PODXL: variants seen among roughly 807,000 people sequenced by gnomAD.
The protein encoded by PODXL is podocalyxin.
A neutral mutation model predicts 48.9 loss-of-function variants in PODXL; 20 were observed. That is an observed-to-expected ratio of 0.41 (90% CI 0.29 to 0.59). The LOEUF is 0.59. PODXL is among the 20% of genes least tolerant of loss of function. PODXL has a pLI of 0.31. For missense variants in PODXL, 606 were observed against 675.1 expected, an observed-to-expected ratio of 0.90 and a Z score of 1.13; for synonymous variants, 295 against 287.4, an observed-to-expected ratio of 1.03 and a Z score of -0.27.
At chr7:131,508,289 A>G (rs1017282969) in intron 5 of PODXL, among the ~76,000 whole-genome samples, 2 of 151,990 alleles carry the variant, frequency 1.3e-5, no homozygotes, top group African/African-American at 4.8e-5. Flanking sequence ...CACCCATCCC[A>G]TCAGCTCCTC....
rs147338873 is a variant in PODXL, at chr7:131,506,272, A to T, written c.1299T>A (p.Asp433Glu). The part of the protein sequence containing the change: ...DVYERLKDKW[D>E]ELKEAGVSDM... Reference sequence around the variant, plus strand: ...GGGGGCCGCTTACCTCCTTTAGTTCATCCCATTTGTCCTTCAGCCGCTCGT... The same window carrying T: ...GGGGGCCGCTTACCTCCTTTAGTTCTTCCCATTTGTCCTTCAGCCGCTCGT... Residue 433 changes from aspartate (D) to glutamate (E), a missense_variant, in exon 7 of 9, where the codon GAT becomes GAA. Asp to Glu is a conservative substitution (Grantham distance 45). Transcript: ENST00000378555. 2 of 1,614,086 alleles carry T rather than the reference A, an allele frequency of 1.2e-6. No homozygotes were observed. The highest frequency in any genetic ancestry group is 3.3e-5 in the Admixed American group (2 of 60,012).
At chr7:131,555,574 G>A (rs1037843251) in intron 1 of PODXL, among the ~76,000 whole-genome samples, 2 of 152,132 alleles carry the variant, frequency 1.3e-5, no homozygotes, top group Non-Finnish European at 2.9e-5. Context: ...AGGATTCGAG[G>A]GGGGTCTCAC....
intron 1 of PODXL, among the ~76,000 whole-genome samples, chr7:131,521,955 G>C (rs943571777): frequency 6.6e-6 from 1 of 152,224 alleles, no homozygotes; most frequent in African/African-American, 2.4e-5. Context: ...AAGAGAATAG[G>C]AAAGATAAAA....
intron 8 of PODXL, among the ~76,000 whole-genome samples, chr7:131,504,970 G>A (rs1797774108): frequency 6.6e-6 from 1 of 152,226 alleles, no homozygotes. Context: ...CCATCTGGCA[G>A]AGGCGCTTTC....
intron 4 of PODXL, 21 bp downstream of exon 4, chr7:131,509,344 C>T (rs773065951): frequency 1.3e-6 from 2 of 1,584,582 alleles, no homozygotes; most frequent in South Asian, 2.2e-5. Context: ...CTCCTACTTG[C>T]CCCACCCCTG....
At chr7:131,509,666 GT>G (rs1797876991) in intron 3 of PODXL, 81 bp from the exon 4 acceptor site, 4 of 973,356 alleles carry the variant, frequency 4.1e-6, no homozygotes, top group Non-Finnish European at 6.0e-6. Context: ...TGCTCTAATA[GT>G]TTTCCCAGGT....
chr7:131,538,328 T>C (rs1005676454), intron 1 of PODXL, among the ~76,000 whole-genome samples: 2 of 152,142 alleles, frequency 1.3e-5, no homozygotes, highest in Non-Finnish European at 2.9e-5. Flanking sequence ...GCAGAAGTGC[T>C]CTGCGGGGAG....
intron 1 of PODXL, among the ~76,000 whole-genome samples, chr7:131,551,936 C>CA (rs34250804): frequency 0.41 from 52,306 of 128,268 alleles, 10,437 homozygotes; most frequent in African/African-American, 0.55. Flanking sequence ...GACTCCATCT[C>CA]AAAAAAAAAA....
In PODXL at chr7:131,506,610, C is replaced by A. The variant is rs753226377; in HGVS notation, c.1218G>T (p.Gln406His). 1.4e-5 allele frequency: 22 copies of A among 1,614,206 alleles called. No homozygotes were observed. The Admixed American group carries it at 3.3e-4, about 24-fold the overall frequency. ...TAGTGATTTCTTTGACGACCACGGTCTGACTTCCTGGAACAGATGCCAGCC... is the reference window on the plus strand; with the variant it reads ...TAGTGATTTCTTTGACGACCACGGTATGACTTCCTGGAACAGATGCCAGCC... ...GIRLASVPGS[Q>H]TVVVKEITIH... The change falls in exon 6 of 9, where the codon CAG becomes CAT. Residue 406 changes from glutamine (Q) to histidine (H), a missense_variant. Physicochemically the swap from Gln to His is conservative, Grantham distance 24. Transcript: ENST00000378555.
chr7:131,540,322 C>T (rs1798453514), intron 1 of PODXL, among the ~76,000 whole-genome samples: 2 of 152,152 alleles, frequency 1.3e-5, no homozygotes, highest in Non-Finnish European at 2.9e-5. Flanking sequence ...ATTGAGATTA[C>T]AGGAGTGAGC....
rs528063990 is a variant in PODXL, at chr7:131,502,004, C to G, written c.*2307G>C. On this transcript the variant is annotated 3_prime_UTR_variant, in exon 9 of 9. Coordinates refer to ENST00000378555, the MANE Select transcript of PODXL (RefSeq NM_001018111.3). ...GATGGAGAGTCAGGAGAGTCAGGACCGACCTGGCCAGGCACTCCTGCTCTC... is the reference window on the plus strand; with the variant it reads ...GATGGAGAGTCAGGAGAGTCAGGACGGACCTGGCCAGGCACTCCTGCTCTC... 1 of 152,150 alleles carries G rather than the reference C, an allele frequency of 6.6e-6. No homozygotes were observed. The highest frequency in any genetic ancestry group is 2.4e-5 in the African/African-American group (1 of 41,400). The allele number at this position is 152,150 out of a possible 1,614,324, so 9.4% of individuals were successfully genotyped here. A position where few individuals can be genotyped will look rare whatever the true frequency, so the allele number is the denominator to read the frequency against.
intron 1 of PODXL, among the ~76,000 whole-genome samples, chr7:131,529,389 C>A (rs746721088): frequency 1.9e-4 from 29 of 152,128 alleles, no homozygotes; most frequent in Non-Finnish European, 4.0e-4. Flanking sequence ...CTGCTTCAAT[C>A]TTCAAGGAGG....
chr7:131,553,956 A>G (rs1798705424), intron 1 of PODXL, among the ~76,000 whole-genome samples: 1 of 152,174 alleles, frequency 6.6e-6, no homozygotes, highest in Non-Finnish European at 1.5e-5. Context: ...CTTAAGGTGA[A>G]TGCTTTCTTT....
chr7:131,539,729 C>T (rs567341160), intron 1 of PODXL, among the ~76,000 whole-genome samples: 9 of 152,342 alleles, frequency 5.9e-5, no homozygotes, highest in African/African-American at 2.2e-4. Flanking sequence ...GCCTTGCCGA[C>T]CCCCTGCTGT....
chr7:131,510,497 G>A (rs1316894713), intron 2 of PODXL, among the ~76,000 whole-genome samples, 166 bp from the exon 3 acceptor site: 7 of 151,230 alleles, frequency 4.6e-5, no homozygotes, highest in Non-Finnish European at 4.4e-5. Context: ...GTGACAGAGC[G>A]AGACTCCATC....
chr7:131,516,936 T>C (rs1378241623), intron 1 of PODXL, among the ~76,000 whole-genome samples: 1 of 152,010 alleles, frequency 6.6e-6, no homozygotes, highest in Admixed American at 6.6e-5. Flanking sequence ...CCCAGGCTGG[T>C]CTCGAACTCC....
At chr7:131,506,358 C>T (rs1288351719) in intron 6 of PODXL, 37 bp from the exon 7 acceptor site, 1 of 1,607,050 alleles carries the variant, frequency 6.2e-7, no homozygotes, top group Admixed American at 1.7e-5. Flanking sequence ...TGGCCCAGCC[C>T]AGAGCGAGGC....
chr7:131,519,418 A>C (rs561942592), intron 1 of PODXL, among the ~76,000 whole-genome samples: 3 of 152,166 alleles, frequency 2.0e-5, no homozygotes, highest in Non-Finnish European at 4.4e-5. Context: ...CTGGTCCTCT[A>C]TCTACCACCT....
At chr7:131,540,082 A>C (rs113189864) in intron 1 of PODXL, among the ~76,000 whole-genome samples, 7,550 of 152,162 alleles carry the variant, frequency 0.05, 251 homozygotes, top group Middle Eastern at 0.099. Flanking sequence ...TTGCTCTGTC[A>C]CCCAGATTGG....
Sources: allele counts gnomAD v4.1 joint callset (sites outside exome capture counted in the v4.1 genomes callset), GRCh38; gene constraint gnomAD v4.1.1; transcripts MANE v1.5; gene names NCBI Gene and HGNC (gene_info 2026-07-23, HGNC 2026-07-21).